PPP6R3: variants seen among roughly 807,000 people sequenced by gnomAD.
PPP6R3 encodes the protein protein phosphatase 6 regulatory subunit 3.
PPP6R3 carries 38 observed loss-of-function variants against 110.7 expected under a neutral mutation model. That is an observed-to-expected ratio of 0.34 (90% confidence interval 0.26 to 0.45). The LOEUF is 0.45. PPP6R3 is among the 20% of genes least tolerant of loss of function. PPP6R3 has a pLI of 1.00. For synonymous variants in PPP6R3, 369 were observed against 373.5 expected (o/e 0.99, Z 0.14); for missense variants, 870 against 1,062.4 (o/e 0.82, Z 2.52).
At chr11:68,529,447 G>A (rs1230584566) in intron 2 of PPP6R3, among the ~76,000 whole-genome samples, 2 of 152,168 alleles carry the variant, frequency 1.3e-5, no homozygotes, top group Non-Finnish European at 2.9e-5. Flanking sequence ...TTGAACTCCT[G>A]ACCTCATGAT....
intron 2 of PPP6R3, among the ~76,000 whole-genome samples, chr11:68,536,086 A>G (rs2099269209): frequency 6.6e-6 from 1 of 152,160 alleles, no homozygotes. Flanking sequence ...TTGAGTAACC[A>G]TGGTACAGAG....
chr11:68,591,140 A>C (rs890527391), intron 17 of PPP6R3, among the ~76,000 whole-genome samples: 1 of 152,006 alleles, frequency 6.6e-6, no homozygotes, highest in South Asian at 2.1e-4. Context: ...GTTGACTAGC[A>C]TGAGAGACCA....
At chr11:68,590,809 T>C (rs1593733882) in intron 17 of PPP6R3, 95 bp downstream of exon 17, 1 of 1,342,626 alleles carries the variant, frequency 7.4e-7, no homozygotes, top group Non-Finnish European at 9.8e-7. Flanking sequence ...ACCCCTGTGC[T>C]CTAGAGCCCT....
At chr11:68,491,897 A>G (rs1017331872) in intron 1 of PPP6R3, among the ~76,000 whole-genome samples, 3 of 152,048 alleles carry the variant, frequency 2.0e-5, no homozygotes, top group African/African-American at 7.2e-5. Flanking sequence ...AAAAAACTCA[A>G]CGTTTTAATA....
chr11:68,579,205 C>T (rs1274017661), intron 14 of PPP6R3, among the ~76,000 whole-genome samples: 1 of 152,086 alleles, frequency 6.6e-6, no homozygotes, highest in African/African-American at 2.4e-5. Context: ...TGCTGGGGGT[C>T]CTCAGTGGGA....
intron 19 of PPP6R3, among the ~76,000 whole-genome samples, chr11:68,597,552 C>T (rs2153907445): frequency 6.6e-6 from 1 of 152,242 alleles, no homozygotes; most frequent in South Asian, 2.1e-4. Flanking sequence ...AACTGTTACA[C>T]ATGAGAAATA....
chr11:68,524,777 T>C (rs574980890), intron 2 of PPP6R3, among the ~76,000 whole-genome samples: 2 of 152,380 alleles, frequency 1.3e-5, no homozygotes, highest in Non-Finnish European at 1.5e-5. Context: ...CTTTGTGTTT[T>C]CTGTGCATTT....
chr11:68,585,901 C>T (rs2099577005), intron 15 of PPP6R3, among the ~76,000 whole-genome samples: 1 of 152,078 alleles, frequency 6.6e-6, no homozygotes, highest in Non-Finnish European at 1.5e-5. Flanking sequence ...TAAAATATAA[C>T]AACATTTTGG....
chr11:68,485,457 T>C (rs1323504240), intron 1 of PPP6R3, among the ~76,000 whole-genome samples: 1 of 152,186 alleles, frequency 6.6e-6, no homozygotes, highest in Non-Finnish European at 1.5e-5. Flanking sequence ...TTTGCCCGCT[T>C]CCTGATCTTA....
chr11:68,550,535 A>T (rs763798018), intron 5 of PPP6R3, among the ~76,000 whole-genome samples: 5 of 152,146 alleles, frequency 3.3e-5, no homozygotes, highest in Non-Finnish European at 7.3e-5. Context: ...GTAGCATTTC[A>T]TACATGGATT....
chr11:68,591,991 T>G (rs370688223), intron 18 of PPP6R3, among the ~76,000 whole-genome samples: 18 of 152,366 alleles, frequency 1.2e-4, no homozygotes, highest in African/African-American at 4.1e-4. Flanking sequence ...TAGTGCCTTT[T>G]ACTAAATAAA....
chr11:68,571,474 T>C (rs1301554600), intron 12 of PPP6R3, among the ~76,000 whole-genome samples: 1 of 152,208 alleles, frequency 6.6e-6, no homozygotes, highest in Non-Finnish European at 1.5e-5. Context: ...ACAGAAGGTA[T>C]CACGTACATA....
intron 8 of PPP6R3, among the ~76,000 whole-genome samples, chr11:68,561,486 CAA>C: frequency 1.3e-5 from 2 of 152,268 alleles, no homozygotes; most frequent in African/African-American, 4.8e-5. Flanking sequence ...CAAAATGCCA[CAA>C]GAGCTGAAAT....
At chr11:68,550,604 T>G (rs1228681082) in intron 5 of PPP6R3, among the ~76,000 whole-genome samples, 13 of 152,232 alleles carry the variant, frequency 8.5e-5, no homozygotes. Context: ...ACTCTGCCTC[T>G]GTGCTTCCTC....
chr11:68,474,081 C>A (rs893217584), intron 1 of PPP6R3, among the ~76,000 whole-genome samples: 12 of 146,194 alleles, frequency 8.2e-5, no homozygotes, highest in African/African-American at 2.5e-4. Context: ...CTTGCTCTGT[C>A]ACCTAGGTTG....
At chr11:68,504,044 T>C (rs762805945) in intron 1 of PPP6R3, among the ~76,000 whole-genome samples, 1 of 152,198 alleles carries the variant, frequency 6.6e-6, no homozygotes, top group Non-Finnish European at 1.5e-5. Context: ...CGTGCCTAAT[T>C]AGAAGCGCAC....
chr11:68,603,646 TAATG>T lies in PPP6R3; in HGVS notation c.2450+157_2450+160del, dbSNP rs1244620950. ...TGTCTCCATTAAACACAATAAATCT[TAATG>T]AAGAGATGGAGAGTTTAGGCCCCTA... is the stretch of plus-strand genomic sequence containing the variant. On this transcript the variant is annotated intron_variant, in intron 22 of 23. Coordinates refer to ENST00000393800, the MANE Select transcript of PPP6R3 (RefSeq NM_001164161.2). The T allele has an allele frequency of 3.4e-5, 34 of 986,060 alleles. No homozygotes were observed. In the East Asian group the frequency reaches 4.5e-4, roughly 13 times the overall value. 61.1% of individuals were successfully genotyped at this position (986,060 alleles called of 1,614,324 possible). A position where few individuals can be genotyped will look rare whatever the true frequency, so the allele number is the denominator to read the frequency against.
chr11:68,594,844 C>T (rs559513894), intron 18 of PPP6R3, among the ~76,000 whole-genome samples: 10 of 152,274 alleles, frequency 6.6e-5, no homozygotes, highest in African/African-American at 2.4e-4. Context: ...ATAGTTAAAA[C>T]AGTATGATAT....
intron 1 of PPP6R3, among the ~76,000 whole-genome samples, chr11:68,463,186 A>G (rs1386142708): frequency 6.6e-6 from 1 of 151,956 alleles, no homozygotes; most frequent in African/African-American, 2.4e-5. Flanking sequence ...CCAGGCCAAC[A>G]TGTGAAACCT....
Sources: allele counts gnomAD v4.1 joint callset (sites outside exome capture counted in the v4.1 genomes callset), GRCh38; gene constraint gnomAD v4.1.1; transcripts MANE v1.5; gene names NCBI Gene and HGNC (gene_info 2026-07-23, HGNC 2026-07-21).